MCC: variants seen among roughly 807,000 people sequenced by gnomAD.
MCC encodes the protein colorectal mutant cancer protein.
MCC carries 90 observed loss-of-function variants against 116.2 expected under a neutral mutation model. The ratio of observed to expected loss-of-function variants is 0.77; its 90% confidence interval spans 0.65 to 0.92. The LOEUF is 0.92. Among genes scored for constraint, MCC ranks in the 40% least tolerant of loss-of-function variants. The probability of loss-of-function intolerance (pLI) is 0.00; values close to 1 mark genes in which losing one functional copy is unlikely to be tolerated. For missense variants in MCC, 1,516 were observed against 1,312.2 expected, an observed-to-expected ratio of 1.16 and a Z score of -2.40; for synonymous variants, 578 against 510.5, an observed-to-expected ratio of 1.13 and a Z score of -1.78.
At chr5:113,397,626 G>A (rs529309045) in intron 1 of MCC, among the ~76,000 whole-genome samples, 20 of 152,220 alleles carry the variant, frequency 1.3e-4, no homozygotes, top group African/African-American at 4.6e-4. Flanking sequence ...TGAGATAAGT[G>A]GCTAGCTATA....
intron 8 of MCC, among the ~76,000 whole-genome samples, chr5:113,085,649 T>C (rs1391707254): frequency 6.6e-6 from 1 of 152,146 alleles, no homozygotes; most frequent in African/African-American, 2.4e-5. Flanking sequence ...GGTGAACATA[T>C]TATGTAAGGC....
In MCC at chr5:113,390,272, C is replaced by T. The variant is rs1032519127; in HGVS notation, c.171-5060G>A. ...GTACTGAACATTTTTTCCTCTAAGT[C>T]GTTATTGTTACAAATGCTTTAAAAG... is the stretch of plus-strand genomic sequence containing the variant. On this transcript the variant is annotated intron_variant, in intron 1 of 18. Transcript: ENST00000408903. Among the ~76,000 whole-genome samples the T allele has an allele frequency of 2.0e-5, 3 of 152,272 alleles. No individual in the cohort carries two copies. In the East Asian group the frequency reaches 5.8e-4, roughly 29 times the overall value.
chr5:113,310,019 C>T (rs1029221373), intron 3 of MCC, among the ~76,000 whole-genome samples: 1 of 149,786 alleles, frequency 6.7e-6, no homozygotes, highest in Non-Finnish European at 1.5e-5. Flanking sequence ...CTCTGAAATA[C>T]TTGGCTTATT....
At chr5:113,204,045 T>A (rs966715077) in intron 3 of MCC, among the ~76,000 whole-genome samples, 1 of 152,162 alleles carries the variant, frequency 6.6e-6, no homozygotes, top group African/African-American at 2.4e-5. Flanking sequence ...ATCCCACTCA[T>A]CTCTATCCAC....
chr5:113,250,998 CT>C (rs1764780365), intron 3 of MCC, among the ~76,000 whole-genome samples: 1 of 152,222 alleles, frequency 6.6e-6, no homozygotes, highest in Non-Finnish European at 1.5e-5. Context: ...CTTTTCCTTA[CT>C]GACTTAAGAG....
intron 2 of MCC, among the ~76,000 whole-genome samples, chr5:113,368,013 C>G (rs1768744990): frequency 6.6e-6 from 1 of 152,164 alleles, no homozygotes; most frequent in Admixed American, 6.5e-5. Flanking sequence ...AAAGAATGCT[C>G]TAGTAGGGGT....
At chr5:113,052,135 C>T (rs1456780065) in intron 15 of MCC, among the ~76,000 whole-genome samples, 1 of 151,974 alleles carries the variant, frequency 6.6e-6, no homozygotes, top group African/African-American at 2.4e-5. Context: ...AACTTTTATT[C>T]CAACAAAAAT....
rs572211336 is a variant in MCC, at chr5:113,026,328, C to A, written c.*974G>T. 6.6e-6 allele frequency: 1 copy of A among 152,370 alleles called. No homozygotes were observed. Among genetic ancestry groups the A allele is most frequent in the East Asian group, 1.9e-4 (1 of 5,186 alleles). The allele number at this position is 152,370 out of a possible 1,614,324, so 9.4% of individuals were successfully genotyped here. ...TTTTGCAAAATGTTCAGTATCTCCT[C>A]AGTGTCTTGTCCTTAGGTAGAGACA... On this transcript the variant is annotated 3_prime_UTR_variant, in exon 19 of 19. Coordinates refer to ENST00000408903, the MANE Select transcript of MCC (RefSeq NM_001085377.2).
intron 2 of MCC, among the ~76,000 whole-genome samples, chr5:113,366,201 C>T (rs1021108002): frequency 3.3e-5 from 5 of 152,052 alleles, no homozygotes; most frequent in Non-Finnish European, 5.9e-5. Context: ...TCATTTGGTT[C>T]CTTTTTTGAA....
intron 17 of MCC, 91 bp from the exon 18 acceptor site, chr5:113,029,147 G>T (rs974533153): frequency 5.6e-5 from 76 of 1,361,294 alleles, no homozygotes; most frequent in Non-Finnish European, 7.0e-5. Context: ...AAAGAGGAAG[G>T]TTTAGCTTGC....
At chr5:113,320,575 A>G (rs190520888) in intron 3 of MCC, among the ~76,000 whole-genome samples, 106 of 152,318 alleles carry the variant, frequency 7.0e-4, no homozygotes, top group Non-Finnish European at 1.1e-3. Context: ...GAGGAAATAC[A>G]TGTTTATTTT....
At chr5:113,027,810 T>C (rs1049651022) in intron 18 of MCC, among the ~76,000 whole-genome samples, 32 of 152,100 alleles carry the variant, frequency 2.1e-4, no homozygotes, top group African/African-American at 7.7e-4. Flanking sequence ...AAATAGTGGG[T>C]CTATTTGTTG....
At chr5:113,141,947 C>T (rs1759203632) in intron 5 of MCC, among the ~76,000 whole-genome samples, 1 of 152,208 alleles carries the variant, frequency 6.6e-6, no homozygotes, top group African/African-American at 2.4e-5. Flanking sequence ...GGCTCCTTTA[C>T]ATCTGCTATA....
chr5:113,049,037 G>A (rs1429423661), intron 16 of MCC, 56 bp downstream of exon 16: 7 of 881,444 alleles, frequency 7.9e-6, no homozygotes, highest in Non-Finnish European at 1.1e-5. Flanking sequence ...TGGTCACTGG[G>A]CAGTCACTGG....
rs144718730 is a variant in MCC at position 113,038,600 on chromosome 5, G to A, written c.2756+4930C>T. Among the ~76,000 whole-genome samples the A allele has an allele frequency of 5.6e-4, 86 of 152,220 alleles. 1 individual carries two copies. Among genetic ancestry groups the A allele is most frequent in the African/African-American group, 2.0e-3 (84 of 41,514 alleles). ...AAGTCACCTGATGTGAATGTTTGGG[G>A]AATGGCATTGGGTGGGGCCAGGACA... On this transcript the variant is annotated intron_variant, in intron 17 of 18. Transcript: ENST00000408903.
At chr5:113,411,934 G>A (rs983241084) in intron 1 of MCC, among the ~76,000 whole-genome samples, 1 of 152,136 alleles carries the variant, frequency 6.6e-6, no homozygotes, top group Non-Finnish European at 1.5e-5. Flanking sequence ...AATCCATCTT[G>A]AATTAATTTT....
intron 5 of MCC, among the ~76,000 whole-genome samples, chr5:113,128,012 T>C (rs1758180140): frequency 6.6e-6 from 1 of 152,238 alleles, no homozygotes; most frequent in Non-Finnish European, 1.5e-5. Context: ...GGAAAAGATA[T>C]TTCATTGTTT....
At chr5:113,161,922 A>C (rs545746626) in intron 3 of MCC, among the ~76,000 whole-genome samples, 1 of 152,368 alleles carries the variant, frequency 6.6e-6, no homozygotes, top group East Asian at 1.9e-4. Context: ...GCTCCGTTTC[A>C]GGGAAGGCCC....
intron 3 of MCC, among the ~76,000 whole-genome samples, chr5:113,239,828 G>C (rs1395578803): frequency 6.6e-6 from 1 of 152,124 alleles, no homozygotes; most frequent in Non-Finnish European, 1.5e-5. Context: ...AAATCCAAAC[G>C]TGGTGGAAGA....
Sources: gnomAD v4.1 joint callset for allele counts (sites outside exome capture counted in the v4.1 genomes callset) on GRCh38, gnomAD v4.1.1 for gene constraint, MANE v1.5 for transcripts, NCBI Gene and HGNC (gene_info 2026-07-23, HGNC 2026-07-21) for gene names.